Variants in SAMD5 observed in about 807,000 individuals in gnomAD.
SAMD5 encodes sterile alpha motif domain containing 5, also known as sterile alpha motif domain-containing protein 5.
A neutral mutation model predicts 11.3 loss-of-function variants in SAMD5; 13 were observed. That is an observed-to-expected ratio of 1.15 (90% CI 0.75 to 1.83). The LOEUF is 1.83. Ranked by LOEUF, SAMD5 falls within the 40% of genes most tolerant of loss-of-function variation. The pLI is 0.00. For synonymous variants in SAMD5, 129 were observed against 111.3 expected, an observed-to-expected ratio of 1.16 and a Z score of -1.00; for missense variants, 255 against 239.1, an observed-to-expected ratio of 1.07 and a Z score of -0.44.
chr6:147,796,693 C>G, the SAMD5 span, among the ~76,000 whole-genome samples: 1 of 152,148 alleles, frequency 6.6e-6, no homozygotes, highest in African/African-American at 2.4e-5. Context: ...TTCTTCCTAC[C>G]CATGAGCATG....
At chr6:147,939,076 C>T in the SAMD5 span, among the ~76,000 whole-genome samples, 6 of 152,168 alleles carry the variant, frequency 3.9e-5, no homozygotes, top group Non-Finnish European at 8.8e-5. Context: ...TAGAATCACT[C>T]ACAGATCTCA....
the SAMD5 span, among the ~76,000 whole-genome samples, chr6:147,946,043 A>T: frequency 1.1e-4 from 16 of 152,090 alleles, no homozygotes; most frequent in Non-Finnish European, 2.9e-5. Flanking sequence ...AAGACTCCTA[A>T]TTTAAAATTA....
the SAMD5 span, among the ~76,000 whole-genome samples, chr6:147,882,135 G>A: frequency 6.6e-6 from 1 of 152,116 alleles, no homozygotes; most frequent in African/African-American, 2.4e-5. Flanking sequence ...AGTTGTAGCG[G>A]CTTTCTTTTA....
chr6:147,673,728 C>A (rs1017299254), intron 1 of SAMD5, among the ~76,000 whole-genome samples: 2 of 151,650 alleles, frequency 1.3e-5, no homozygotes, highest in African/African-American at 4.9e-5. Flanking sequence ...AAATTAAGAA[C>A]CTTAAACATC....
At chr6:147,611,656 G>A (rs527949611) in intron 1 of SAMD5, among the ~76,000 whole-genome samples, 12 of 152,268 alleles carry the variant, frequency 7.9e-5, no homozygotes, top group South Asian at 2.1e-4. Flanking sequence ...AATGTGAAAC[G>A]TGAAGGGCAC....
At chr6:147,726,406 G>C (rs1791627209) in intron 1 of SAMD5, among the ~76,000 whole-genome samples, 1 of 152,224 alleles carries the variant, frequency 6.6e-6, no homozygotes, top group South Asian at 2.1e-4. Context: ...CAAAAAAGCA[G>C]TTTTCAGACT....
chr6:147,583,264 A>G (rs1406173968), intron 1 of SAMD5, among the ~76,000 whole-genome samples: 1 of 152,248 alleles, frequency 6.6e-6, no homozygotes, highest in Non-Finnish European at 1.5e-5. Flanking sequence ...AAGAAATGCT[A>G]CAAGATGTAT....
chr6:147,904,891 CTTT>C, the SAMD5 span, among the ~76,000 whole-genome samples: 6 of 139,204 alleles, frequency 4.3e-5, no homozygotes, highest in Admixed American at 7.1e-5. Flanking sequence ...GACTTTATGC[CTTT>C]TTTTTTTTTT....
chr6:147,631,145 T>C (rs947370738), intron 1 of SAMD5, among the ~76,000 whole-genome samples: 5 of 152,016 alleles, frequency 3.3e-5, no homozygotes, highest in Non-Finnish European at 7.4e-5. Flanking sequence ...GATTTTGTGG[T>C]AAGGGGTGAT....
intron 1 of SAMD5, among the ~76,000 whole-genome samples, chr6:147,551,227 T>A (rs1236359832): frequency 1.3e-5 from 2 of 152,178 alleles, no homozygotes; most frequent in Non-Finnish European, 2.9e-5. Flanking sequence ...TGTTCCCTTT[T>A]TGCCTCCTCA....
chr6:147,591,328 G>A (rs956499348), intron 1 of SAMD5, among the ~76,000 whole-genome samples: 5 of 152,168 alleles, frequency 3.3e-5, no homozygotes, highest in African/African-American at 4.8e-5. Flanking sequence ...GCTTCAGAGC[G>A]TGCACTACCT....
At chr6:147,669,324 A>G (rs1170732935) in intron 1 of SAMD5, among the ~76,000 whole-genome samples, 1 of 151,708 alleles carries the variant, frequency 6.6e-6, no homozygotes, top group African/African-American at 2.4e-5. Context: ...ATCCCAAAAG[A>G]CCACTTCCTT....
At chr6:147,614,866 G>A (rs55842610) in intron 1 of SAMD5, among the ~76,000 whole-genome samples, 14,862 of 151,856 alleles carry the variant, frequency 0.098, 924 homozygotes, top group Middle Eastern at 0.16. Flanking sequence ...TTCTGTGTCC[G>A]TGGATTCAAC....
chr6:147,913,125 A>G, the SAMD5 span, among the ~76,000 whole-genome samples: 1 of 152,144 alleles, frequency 6.6e-6, no homozygotes, highest in Non-Finnish European at 1.5e-5. Context: ...GAGGAAAAGG[A>G]TTTTAGAAAC....
intron 1 of SAMD5, among the ~76,000 whole-genome samples, chr6:147,586,018 A>G (rs1254470785): frequency 6.6e-6 from 1 of 152,196 alleles, no homozygotes; most frequent in Non-Finnish European, 1.5e-5. Context: ...TCAAAGAATA[A>G]GGGGGTGAGT....
intron 1 of SAMD5, among the ~76,000 whole-genome samples, chr6:147,611,927 A>T (rs2128449209): frequency 6.6e-6 from 1 of 152,344 alleles, no homozygotes; most frequent in South Asian, 2.1e-4. Context: ...ACTTCTGATT[A>T]TCTTCCCAAC....
the SAMD5 span, among the ~76,000 whole-genome samples, chr6:147,890,652 C>T: frequency 6.6e-6 from 1 of 151,950 alleles, no homozygotes; most frequent in African/African-American, 2.4e-5. Flanking sequence ...AGCCACTGTG[C>T]CAGGCCTCAA....
chr6:147,946,669 A>G, the SAMD5 span, among the ~76,000 whole-genome samples: 2 of 152,216 alleles, frequency 1.3e-5, no homozygotes, highest in Non-Finnish European at 2.9e-5. Context: ...AATACAATTT[A>G]ATTTCTAGTG....
intron 1 of SAMD5, among the ~76,000 whole-genome samples, chr6:147,610,782 G>A (rs1789771742): frequency 6.6e-6 from 1 of 152,078 alleles, no homozygotes; most frequent in African/African-American, 2.4e-5. Context: ...TCAGGATTTG[G>A]GGTTGAGCCC....
Sources: gnomAD v4.1 joint callset for allele counts (sites outside exome capture counted in the v4.1 genomes callset) on GRCh38, gnomAD v4.1.1 for gene constraint, MANE v1.5 for transcripts, NCBI Gene and HGNC (gene_info 2026-07-23, HGNC 2026-07-21) for gene names.